The following IQSEC1 variants were observed in gnomAD, a reference collection of about 807,000 sequenced individuals.
The protein encoded by IQSEC1 is IQ motif and SEC7 domain-containing protein 1.
Under a neutral mutation model 91.0 loss-of-function variants are expected in IQSEC1, and 31 were observed. The observed-to-expected ratio is 0.34, with a 90% CI of 0.26 to 0.46. IQSEC1 has a LOEUF of 0.46. Among genes scored for constraint, IQSEC1 ranks in the 20% least tolerant of loss-of-function variants. IQSEC1 has a pLI of 1.00. For missense variants in IQSEC1, 1,388 were observed against 1,575.6 expected (o/e 0.88, Z 2.02); for synonymous variants, 699 against 662.6 (o/e 1.05, Z -0.84).
At position 13,236,525 on chromosome 3, in the gene IQSEC1, G is replaced by A. The variant is rs57470145; in HGVS notation, c.272+46186C>T. ...ACTTGTCCTGCTAACACATGGTGCA[G>A]TGACGAGAGGCTCACTACCTGTCAA... On this transcript the variant is annotated intron_variant, in intron 1 of 15. Coordinates refer to the IQSEC1 transcript ENST00000648114. 1.6e-4 allele frequency among the ~76,000 whole-genome samples: 25 copies of A among 152,346 alleles called. No individual in the cohort carries two copies. In the East Asian group the frequency reaches 4.8e-3, roughly 29 times the overall value.
In IQSEC1 at chr3:13,103,628, G is replaced by C. The variant is rs971628298; in HGVS notation, c.303-56106C>G. Among the ~76,000 whole-genome samples the C allele has an allele frequency of 2.0e-5, 3 of 152,146 alleles. No individual in the cohort carries two copies. Among genetic ancestry groups the C allele is most frequent in the Admixed American group, 2.0e-4 (3 of 15,278 alleles). On this transcript the variant is annotated intron_variant, in intron 2 of 15. Coordinates refer to the IQSEC1 transcript ENST00000648114. The surrounding 1 kb of genome is among the most constrained non-coding windows in gnomAD (Gnocchi z 4.1). Reference sequence around the variant, plus strand: ...CATTGGGGTGGGCAATTTGCAGGATGAGCTTCACATGCAGCACGCACTGGG... The same window carrying C: ...CATTGGGGTGGGCAATTTGCAGGATCAGCTTCACATGCAGCACGCACTGGG...
chr3:13,283,181 C>T (rs1438892724), exon 1 of IQSEC1, among the ~76,000 whole-genome samples: 2 of 146,106 alleles, frequency 1.4e-5, no homozygotes, highest in Non-Finnish European at 3.0e-5. Flanking sequence ...CTCCGCCGCC[C>T]GCTGCCCCGC....
chr3:13,074,149 C>A (rs1705522776), upstream of IQSEC1, among the ~76,000 whole-genome samples: 1 of 152,106 alleles, frequency 6.6e-6, no homozygotes, highest in African/African-American at 2.4e-5. Context: ...GAAAAGAGAG[C>A]AGGAAGAGGG....
At chr3:12,997,048 C>T (rs1702252628) in intron 1 of IQSEC1, among the ~76,000 whole-genome samples, 1 of 152,118 alleles carries the variant, frequency 6.6e-6, no homozygotes. Context: ...ACTGTGTGTA[C>T]CAGTAAACAG....
At chr3:12,936,742 C>A in intron 2 of IQSEC1, 45 bp from the exon 3 acceptor site, 1 of 1,495,324 alleles carries the variant, frequency 6.7e-7, no homozygotes, top group Non-Finnish European at 9.0e-7. Context: ...CATGTAGGCA[C>A]AGTGCGACAT....
At chr3:13,054,790 G>A (rs1400794173) in intron 1 of IQSEC1, among the ~76,000 whole-genome samples, 8 of 152,342 alleles carry the variant, frequency 5.3e-5, no homozygotes, top group Admixed American at 3.3e-4. Flanking sequence ...AGTGTCACAC[G>A]GTGGGACCCC....
intron 12 of IQSEC1, among the ~76,000 whole-genome samples, chr3:12,904,458 G>A (rs758776916): frequency 3.3e-5 from 5 of 152,258 alleles, no homozygotes; most frequent in Non-Finnish European, 4.4e-5. Flanking sequence ...CCGGAAGTAA[G>A]AGGAGGCTCA....
chr3:13,074,937 C>T (rs939518614), upstream of IQSEC1, among the ~76,000 whole-genome samples: 2 of 152,192 alleles, frequency 1.3e-5, no homozygotes, highest in African/African-American at 4.8e-5. Context: ...GACTAGGACC[C>T]CAGTCTTCCA....
At chr3:13,271,313 C>T (rs1292267327) in intron 1 of IQSEC1, among the ~76,000 whole-genome samples, 3 of 151,946 alleles carry the variant, frequency 2.0e-5, no homozygotes, top group African/African-American at 7.3e-5. Flanking sequence ...GGAGGCGGAG[C>T]TTGCAGTGAG....
At chr3:12,960,003 G>C (rs542852810) in intron 1 of IQSEC1, among the ~76,000 whole-genome samples, 1 of 152,132 alleles carries the variant, frequency 6.6e-6, no homozygotes, top group South Asian at 2.1e-4. Flanking sequence ...ACGTTCCTGC[G>C]ACCGCACCTC....
At chr3:13,277,106 T>TTAAAAAAAAAAA (rs1695698221) in intron 1 of IQSEC1, among the ~76,000 whole-genome samples, 1 of 35,974 alleles carries the variant, frequency 2.8e-5, no homozygotes, top group African/African-American at 1.3e-4. Context: ...TGCTCCTCCT[T>TTAAAAAAAAAAA]AAAAAAAAAA....
chr3:13,064,274 T>C (rs1277915271), intron 1 of IQSEC1, among the ~76,000 whole-genome samples: 1 of 152,126 alleles, frequency 6.6e-6, no homozygotes, highest in Admixed American at 6.5e-5. Context: ...ACCACAAAGA[T>C]CCCTTGTCCA....
chr3:13,189,610 G>A (rs1459962607), intron 1 of IQSEC1, among the ~76,000 whole-genome samples: 3 of 152,188 alleles, frequency 2.0e-5, no homozygotes, highest in Non-Finnish European at 4.4e-5. Flanking sequence ...AAGTCTCAGA[G>A]GAAAACTGAA....
At chr3:13,248,724 T>A (rs552439811) in intron 1 of IQSEC1, among the ~76,000 whole-genome samples, 1 of 143,428 alleles carries the variant, frequency 7.0e-6, no homozygotes, top group South Asian at 2.2e-4. Context: ...CAGTTACTAA[T>A]CACGTCGTAC....
chr3:13,278,614 T>C (rs970263496), intron 1 of IQSEC1, among the ~76,000 whole-genome samples: 1 of 149,568 alleles, frequency 6.7e-6, no homozygotes, highest in Admixed American at 6.7e-5. Context: ...AGGTCAGGAG[T>C]TTCAGAGCAG....
At chr3:13,083,376 C>T (rs1366778150) in intron 2 of IQSEC1, among the ~76,000 whole-genome samples, 3 of 152,206 alleles carry the variant, frequency 2.0e-5, no homozygotes, top group Non-Finnish European at 4.4e-5. Flanking sequence ...AGATAACAAC[C>T]GTGGAGTCAA....
intron 1 of IQSEC1, among the ~76,000 whole-genome samples, chr3:12,988,155 T>G (rs1701829269): frequency 6.6e-6 from 1 of 152,246 alleles, no homozygotes; most frequent in African/African-American, 2.4e-5. Flanking sequence ...GGCTCACGCC[T>G]GTAATCCCAG....
intron 1 of IQSEC1, among the ~76,000 whole-genome samples, chr3:13,170,432 G>A (rs1017286933): frequency 2.0e-5 from 3 of 152,234 alleles, no homozygotes; most frequent in African/African-American, 7.2e-5. Context: ...CTGGGGCACT[G>A]CCAAGTGGAG....
chr3:13,237,132 G>C (rs1025791549), intron 1 of IQSEC1, among the ~76,000 whole-genome samples: 5 of 152,226 alleles, frequency 3.3e-5, no homozygotes, highest in Admixed American at 6.5e-5. Context: ...TTCCATAGCT[G>C]CTTCCATAGA....
Sources: gnomAD v4.1 joint callset for allele counts (sites outside exome capture counted in the v4.1 genomes callset) on GRCh38, gnomAD v4.1.1 for gene constraint, Gnocchi (gnomAD v3.1) non-coding constraint, MANE v1.5 for transcripts, NCBI Gene and HGNC (gene_info 2026-07-23, HGNC 2026-07-21) for gene names.